GRIK5: variants seen among roughly 807,000 people sequenced by gnomAD.
GRIK5 encodes the protein glutamate ionotropic receptor kainate type subunit 5.
In GRIK5, 43 loss-of-function variants were observed where a neutral mutation model predicts 97.4. That is an observed-to-expected ratio of 0.44 (90% confidence interval 0.35 to 0.57). The LOEUF is 0.57. GRIK5 is among the 20% of genes least tolerant of loss of function. GRIK5 has a pLI of 0.01. For synonymous variants in GRIK5, 580 were observed against 583.5 expected (o/e 0.99, Z 0.09); for missense variants, 1,015 against 1,382.0 (o/e 0.73, Z 4.21).
intron 11 of GRIK5, among the ~76,000 whole-genome samples, chr19:42,052,337 C>A (rs182685435): frequency 5.9e-5 from 9 of 151,906 alleles, no homozygotes; most frequent in Admixed American, 3.9e-4. Context: ...AGGGATTGAC[C>A]GCACACCACA....
intron 15 of GRIK5, among the ~76,000 whole-genome samples, chr19:42,007,097 CTTTT>C (rs880000872): frequency 7.1e-6 from 1 of 140,316 alleles, no homozygotes. Flanking sequence ...AAACTTTTTT[CTTTT>C]TTTTTTTTTT....
rs530322122 is a variant in GRIK5, at chr19:42,002,235, A to AC, written c.2514+1096dup. 4.3e-4 allele frequency: 309 copies of AC among 716,754 alleles called. 2 individuals carry two copies. In the East Asian group the frequency reaches 7.3e-3, roughly 17 times the overall value. 44.4% of individuals were successfully genotyped at this position (716,754 alleles called of 1,614,324 possible). A position where few individuals can be genotyped will look rare whatever the true frequency, so the allele number is the denominator to read the frequency against. On this transcript the variant is annotated intron_variant, in intron 19 of 19. Transcript: ENST00000593562. The surrounding 1 kb of genome is among the most constrained non-coding windows in gnomAD (Gnocchi z 5.2). Reference sequence around the variant, plus strand: ...AGAAGAAACTGGAAGCATCAGGGAGACCCCCCACTGCTGCCAAGGCTGTAA... The same window carrying AC: ...AGAAGAAACTGGAAGCATCAGGGAGACCCCCCCACTGCTGCCAAGGCTGTAA...
chr19:42,048,492 C>T (rs2076071433), intron 11 of GRIK5, among the ~76,000 whole-genome samples: 2 of 152,040 alleles, frequency 1.3e-5, no homozygotes, highest in South Asian at 4.1e-4. Context: ...TGGTGGCAGG[C>T]GCCTGTAGTC....
At position 42,042,609 on chromosome 19, in the gene GRIK5, G is replaced by A. The variant is rs377765278; in HGVS notation, c.1416C>T (p.Tyr472=). Residue 472 remains tyrosine, a synonymous_variant, in exon 12 of 20, where the codon TAC becomes TAT. Coordinates refer to ENST00000593562, the MANE Select transcript of GRIK5 (RefSeq NM_002088.5). The surrounding 1 kb of genome is among the most constrained non-coding windows in gnomAD (Gnocchi z 6.9). ...YRLRLVEDGL[Y]GAPEPNGSWT... ...AGGAGCCGTTGGGCTCGGGCGCCCC[G>A]TACAGCCCATCCTCCACCAACCGCA... The A allele has an allele frequency of 1.8e-5, 29 of 1,612,594 alleles. No homozygotes were observed. The highest frequency in any genetic ancestry group is 8.0e-5 in the African/African-American group (6 of 74,938).
rs780757973 is a variant in GRIK5, at chr19:42,042,553, C to T, written c.1472G>A (p.Arg491Gln). 6 of 1,608,746 alleles carry T rather than the reference C, an allele frequency of 3.7e-6. No homozygotes were observed. Among genetic ancestry groups the T allele is most frequent in the Middle Eastern group, 1.7e-4 (1 of 5,846 alleles). Residue 491 changes from arginine to glutamine, a missense_variant and splice_region_variant, in exon 12 of 20, where the codon CGG becomes CAG. Around this residue, in one of 5 missense-constraint regions of GRIK5, gnomAD observed 477 missense variants for 701.1 expected, o/e 0.68. Transcript: ENST00000593562. This position sits in a 1 kb window ranked among gnomAD's most constrained non-coding sequence, Gnocchi z 6.9. ...TTCCCGGCCCCAGTCCAGCCATACC[C>T]GGTTGATGAGCTCGCCAACCATGCC... ...WTGMVGELIN[R>Q]KADLAVAAFT...
intron 12 of GRIK5, among the ~76,000 whole-genome samples, chr19:42,033,194 C>T (rs1328062149): frequency 6.6e-6 from 1 of 151,438 alleles, no homozygotes; most frequent in Non-Finnish European, 1.5e-5. Context: ...GGCGTGTGCC[C>T]GTAGTCCCAG....
intron 15 of GRIK5, among the ~76,000 whole-genome samples, chr19:42,013,858 T>C (rs960157784): frequency 2.0e-5 from 3 of 151,620 alleles, no homozygotes; most frequent in African/African-American, 7.3e-5. Flanking sequence ...TGAGACTTCG[T>C]CTCTACCAAA....
intron 11 of GRIK5, among the ~76,000 whole-genome samples, chr19:42,050,974 G>A (rs923643361): frequency 4.6e-5 from 7 of 152,242 alleles, no homozygotes; most frequent in African/African-American, 7.2e-5. Flanking sequence ...AAGGCGAGAC[G>A]CAGACCCGTT....
In GRIK5 at chr19:42,056,621, G is replaced by GCA. The variant is rs142350210; in HGVS notation, c.903+39_903+40dup. The stretch of plus-strand genomic sequence containing the variant: ...GAAAGGGGGCCCCAGAAGTATCTGT[G>GCA]CAGAGTGTTTCTGGGTGTGACTGGG... On this transcript the variant is annotated intron_variant, in intron 8 of 19. Coordinates refer to ENST00000593562, the MANE Select transcript of GRIK5 (RefSeq NM_002088.5). The GCA allele has an allele frequency of 1.3e-4, 200 of 1,583,154 alleles. No individual in the cohort carries two copies. In the African/African-American group the frequency reaches 2.3e-3, roughly 19 times the overall value.
At chr19:42,044,237 C>T (rs546564564) in intron 11 of GRIK5, among the ~76,000 whole-genome samples, 1 of 152,276 alleles carries the variant, frequency 6.6e-6, no homozygotes, top group South Asian at 2.1e-4. Context: ...ACCTGTGAGT[C>T]AATTAAACCT....
rs905342037 is a variant in GRIK5, at chr19:42,002,620, G to A, written c.2514+712C>T. 8 of 626,600 alleles carry A rather than the reference G, an allele frequency of 1.3e-5. No homozygotes were observed. Among genetic ancestry groups the A allele is most frequent in the East Asian group, 2.7e-5 (1 of 36,640 alleles). The allele number at this position is 626,600 out of a possible 1,614,324, so 38.8% of individuals were successfully genotyped here. A position where few individuals can be genotyped will look rare whatever the true frequency, so the allele number is the denominator to read the frequency against. On this transcript the variant is annotated intron_variant, in intron 19 of 19. Coordinates refer to ENST00000593562, the MANE Select transcript of GRIK5 (RefSeq NM_002088.5). The surrounding 1 kb of genome is among the most constrained non-coding windows in gnomAD (Gnocchi z 5.2). The stretch of plus-strand genomic sequence containing the variant: ...AGGGCTGGAGGCTGACAGAGAGAGG[G>A]GAAGCAGGGAACCAGCAGTCCAGGG...
Position 42,022,033 on chromosome 19 carries a change from G to T in GRIK5, c.1611C>A (p.Ser537=), listed in dbSNP as rs1269785981. Residue 537 remains serine, a synonymous_variant, in exon 14 of 20, where the codon TCC becomes TCA. Transcript: ENST00000593562. The surrounding 1 kb of genome is among the most constrained non-coding windows in gnomAD (Gnocchi z 4.2). ...VHMGRKPGYF[S]FLDPFSPAVW... is the part of the protein sequence containing the mutation. ...CAGCAGGGGAGAAGGGGTCCAGGAAGGAGAAGTAGCCAGGCTTGCGGCCCT... is the reference window on the plus strand; with the variant it reads ...CAGCAGGGGAGAAGGGGTCCAGGAATGAGAAGTAGCCAGGCTTGCGGCCCT... The T allele has an allele frequency of 6.2e-7, 1 of 1,613,674 alleles. No homozygotes were observed. The highest frequency in any genetic ancestry group is 8.5e-7 in the Non-Finnish European group (1 of 1,179,670).
rs782290003 is a variant in GRIK5, at chr19:42,003,317, C to A, written c.2514+15G>T. The A allele has an allele frequency of 1.7e-5, 27 of 1,605,586 alleles. No individual in the cohort carries two copies. The highest frequency in any genetic ancestry group is 2.1e-5 in the Non-Finnish European group (25 of 1,174,230). On this transcript the variant is annotated intron_variant, in intron 19 of 19. Coordinates refer to ENST00000593562, the MANE Select transcript of GRIK5 (RefSeq NM_002088.5). This position sits in a 1 kb window ranked among gnomAD's most constrained non-coding sequence, Gnocchi z 4.2. Reference sequence around the variant, plus strand: ...GGTCCCTGTTCCTGCCCACCCCCACCCCCAGCCTCCTCACCTCCTCGGACT... The same window carrying A: ...GGTCCCTGTTCCTGCCCACCCCCACACCCAGCCTCCTCACCTCCTCGGACT...
intron 11 of GRIK5, among the ~76,000 whole-genome samples, chr19:42,049,966 C>G (rs1288341153): frequency 6.6e-6 from 1 of 152,054 alleles, no homozygotes; most frequent in Non-Finnish European, 1.5e-5. Flanking sequence ...TAGACAGGGT[C>G]TCACTCTGTC....
chr19:42,022,760 G>A lies in GRIK5; in HGVS notation c.1474-406C>T, dbSNP rs2075717406. 1.4e-6 allele frequency: 1 copy of A among 704,824 alleles called. No homozygotes were observed. The highest frequency in any genetic ancestry group is 1.3e-4 in the East Asian group (1 of 7,526). 43.7% of individuals were successfully genotyped at this position (704,824 alleles called of 1,614,324 possible). ...AGGCCCGGACAGAACACAGAGCAGG[G>A]AGAGAGGAGGCAGGGCCCAGAAATG... On this transcript the variant is annotated intron_variant, in intron 12 of 19. Coordinates refer to ENST00000593562, the MANE Select transcript of GRIK5 (RefSeq NM_002088.5). The surrounding 1 kb of genome is among the most constrained non-coding windows in gnomAD (Gnocchi z 4.2).
chr19:42,003,226 G>A lies in GRIK5; in HGVS notation c.2514+106C>T, dbSNP rs2075444644. On this transcript the variant is annotated intron_variant, in intron 19 of 19. Transcript: ENST00000593562. This position sits in a 1 kb window ranked among gnomAD's most constrained non-coding sequence, Gnocchi z 4.2. Reference sequence around the variant, plus strand: ...TCCTGCATTCCTCTGCCCCCTTCTCGCGATCCCCACCACCCTCCAGGTATG... The same window carrying A: ...TCCTGCATTCCTCTGCCCCCTTCTCACGATCCCCACCACCCTCCAGGTATG... 31 of 1,029,240 alleles carry A rather than the reference G, an allele frequency of 3.0e-5. No homozygotes were observed. In the South Asian group the frequency reaches 3.1e-4, roughly 10 times the overall value. The allele number at this position is 1,029,240 out of a possible 1,614,324, so 63.8% of individuals were successfully genotyped here.
intron 12 of GRIK5, among the ~76,000 whole-genome samples, chr19:42,033,240 C>T (rs2146083009): frequency 6.7e-6 from 1 of 149,734 alleles, no homozygotes; most frequent in Middle Eastern, 3.5e-3. Flanking sequence ...ACTGCTTGAA[C>T]TCATGAGGTG....
intron 6 of GRIK5, among the ~76,000 whole-genome samples, chr19:42,058,736 G>C (rs532952833): frequency 1.4e-5 from 2 of 147,498 alleles, no homozygotes; most frequent in Admixed American, 6.8e-5. Context: ...TGACACAGGA[G>C]AATCACTTGA....
chr19:42,059,227 C>A, intron 6 of GRIK5, 122 bp downstream of exon 6: 1 of 720,696 alleles, frequency 1.4e-6, no homozygotes, highest in South Asian at 1.9e-5. Context: ...ATCATCTTCA[C>A]GGAAGAAGAA....
Sources: gnomAD v4.1 joint callset for allele counts (sites outside exome capture counted in the v4.1 genomes callset) on GRCh38, gnomAD v4.1.1 for gene constraint, gnomAD v4.1.1 regional missense constraint, Gnocchi (gnomAD v3.1) non-coding constraint, MANE v1.5 for transcripts, NCBI Gene and HGNC (gene_info 2026-07-23, HGNC 2026-07-21) for gene names.